The following CSMD1 variants were observed in gnomAD, a reference collection of about 807,000 sequenced individuals.
The protein encoded by CSMD1 is CUB and sushi domain-containing protein 1.
Under a neutral mutation model 417.5 loss-of-function variants are expected in CSMD1, and 213 were observed. The observed-to-expected ratio is 0.51, with a 90% CI of 0.46 to 0.57. The LOEUF (loss-of-function observed/expected upper bound fraction) is 0.57. CSMD1 is among the 20% of genes least tolerant of loss of function. CSMD1 has a pLI of 0.00. For synonymous variants in CSMD1, 2,862 were observed against 1,736.8 expected (o/e 1.65, Z -16.11); for missense variants, 6,923 against 4,529.7 (o/e 1.53, Z -15.17).
intron 5 of CSMD1, among the ~76,000 whole-genome samples, chr8:3,863,685 C>G (rs1322971748): frequency 1.3e-5 from 2 of 152,094 alleles, no homozygotes; most frequent in African/African-American, 4.8e-5. Context: ...CTCATATATG[C>G]TCAGTGAACA....
intron 49 of CSMD1, among the ~76,000 whole-genome samples, chr8:3,066,541 G>C (rs1212519884): frequency 1.3e-5 from 2 of 152,186 alleles, no homozygotes; most frequent in Middle Eastern, 3.2e-3. Flanking sequence ...TAATTCTTGA[G>C]TAATCATGGC....
intron 5 of CSMD1, among the ~76,000 whole-genome samples, chr8:3,815,079 G>T (rs1026498618): frequency 3.3e-5 from 5 of 152,138 alleles, no homozygotes; most frequent in Non-Finnish European, 7.4e-5. Context: ...AATGTCCCCT[G>T]ATATTTGAGC....
intron 49 of CSMD1, among the ~76,000 whole-genome samples, chr8:3,069,704 G>A (rs555024153): frequency 6.6e-6 from 1 of 152,110 alleles, no homozygotes; most frequent in Non-Finnish European, 1.5e-5. Context: ...ACTGCTTGTA[G>A]ATCTACCATT....
chr8:3,269,329 C>A (rs1206942252), intron 26 of CSMD1, among the ~76,000 whole-genome samples: 1 of 152,198 alleles, frequency 6.6e-6, no homozygotes, highest in African/African-American at 2.4e-5. Context: ...GGAGCGATGG[C>A]TCCAGCTACG....
At chr8:4,307,459 G>C (rs376625262) in intron 3 of CSMD1, among the ~76,000 whole-genome samples, 1 of 152,090 alleles carries the variant, frequency 6.6e-6, no homozygotes, top group Non-Finnish European at 1.5e-5. Flanking sequence ...GAAAGCCCAT[G>C]TTACATCCCC....
At chr8:3,915,054 G>A (rs1808720792) in intron 5 of CSMD1, among the ~76,000 whole-genome samples, 2 of 152,098 alleles carry the variant, frequency 1.3e-5, no homozygotes, top group Non-Finnish European at 2.9e-5. Context: ...GATACAGGCA[G>A]GGAATAGTTA....
At chr8:3,384,171 T>C (rs1024192498) in intron 18 of CSMD1, among the ~76,000 whole-genome samples, 5 of 152,172 alleles carry the variant, frequency 3.3e-5, no homozygotes, top group Admixed American at 2.0e-4. Context: ...TACACACTTA[T>C]ACTTGTAGAA....
At chr8:3,898,630 C>T (rs1368125484) in intron 5 of CSMD1, among the ~76,000 whole-genome samples, 1 of 152,102 alleles carries the variant, frequency 6.6e-6, no homozygotes, top group African/African-American at 2.4e-5. Context: ...AAAGGTGCAC[C>T]TATCACTCAT....
intron 12 of CSMD1, among the ~76,000 whole-genome samples, chr8:3,411,759 C>A: frequency 8.2e-6 from 1 of 121,940 alleles, no homozygotes. Flanking sequence ...CGTGTATATA[C>A]GTGTATATAC....
intron 3 of CSMD1, among the ~76,000 whole-genome samples, chr8:4,096,506 C>G (rs969325492): frequency 1.3e-5 from 2 of 152,110 alleles, no homozygotes; most frequent in Admixed American, 1.3e-4. Flanking sequence ...ATGAGACAGC[C>G]AATGACTACT....
At chr8:3,584,478 G>A (rs1486922161) in intron 9 of CSMD1, among the ~76,000 whole-genome samples, 1 of 152,160 alleles carries the variant, frequency 6.6e-6, no homozygotes, top group Non-Finnish European at 1.5e-5. Context: ...AAGGATGGGA[G>A]AAATGTCTCC....
At chr8:3,405,327 A>C (rs1405548474) in intron 15 of CSMD1, among the ~76,000 whole-genome samples, 4 of 152,162 alleles carry the variant, frequency 2.6e-5, no homozygotes, top group African/African-American at 4.8e-5. Context: ...TTTTAAAATG[A>C]GTAATTATTA....
At chr8:3,455,712 G>T (rs1019419923) in intron 12 of CSMD1, among the ~76,000 whole-genome samples, 5 of 152,222 alleles carry the variant, frequency 3.3e-5, no homozygotes, top group African/African-American at 7.2e-5. Flanking sequence ...TGAGGTGTCA[G>T]ACTGCCCCTA....
At chr8:3,732,873 A>G (rs965125584) in intron 6 of CSMD1, among the ~76,000 whole-genome samples, 3 of 152,128 alleles carry the variant, frequency 2.0e-5, no homozygotes, top group Admixed American at 6.6e-5. Flanking sequence ...AAAGAGATCT[A>G]TCTATCTATC....
chr8:3,369,079 A>G (rs1809784929), intron 19 of CSMD1, among the ~76,000 whole-genome samples, 175 bp downstream of exon 19: 1 of 152,246 alleles, frequency 6.6e-6, no homozygotes, highest in Admixed American at 6.5e-5. Flanking sequence ...TTTATTGTAC[A>G]GTTGAAAGAC....
intron 3 of CSMD1, among the ~76,000 whole-genome samples, chr8:4,279,565 T>C (rs920814076): frequency 6.6e-6 from 1 of 152,198 alleles, no homozygotes; most frequent in Non-Finnish European, 1.5e-5. Context: ...AATACACTGA[T>C]TCTGCAGACA....
chr8:4,506,168 G>C (rs750624961), intron 2 of CSMD1, among the ~76,000 whole-genome samples: 19 of 152,114 alleles, frequency 1.2e-4, no homozygotes, highest in Non-Finnish European at 2.6e-4. Context: ...AGTAATTGCG[G>C]TTTTTGCTAT....
chr8:4,109,883 T>A (rs1375362028), intron 3 of CSMD1, among the ~76,000 whole-genome samples: 1 of 152,180 alleles, frequency 6.6e-6, no homozygotes. Flanking sequence ...GTGCTTTTTC[T>A]CATAATAAAG....
intron 8 of CSMD1, among the ~76,000 whole-genome samples, chr8:3,602,897 C>G (rs1479149800): frequency 1.3e-5 from 2 of 152,010 alleles, no homozygotes; most frequent in Non-Finnish European, 2.9e-5. Context: ...TTAATATAGG[C>G]TCAAGTAACA....
Sources: gnomAD v4.1 joint callset for allele counts (sites outside exome capture counted in the v4.1 genomes callset) on GRCh38, gnomAD v4.1.1 for gene constraint, MANE v1.5 for transcripts, NCBI Gene and HGNC (gene_info 2026-07-23, HGNC 2026-07-21) for gene names.